The following UNC13C variants were observed in gnomAD, a reference collection of about 807,000 sequenced individuals.
UNC13C encodes unc-13 homolog C.
Under a neutral mutation model 245.4 loss-of-function variants are expected in UNC13C, and 174 were observed. That is an observed-to-expected ratio of 0.71 (90% CI 0.63 to 0.80). The LOEUF (loss-of-function observed/expected upper bound fraction) is 0.80. Among genes scored for constraint, UNC13C ranks in the 30% least tolerant of loss-of-function variants. The pLI is 0.00. For synonymous variants in UNC13C, 992 were observed against 895.1 expected (o/e 1.11, Z -1.93); for missense variants, 2,829 against 2,602.9 (o/e 1.09, Z -1.89).
chr15:54,538,154 A>C (rs1264394952), intron 26 of UNC13C, among the ~76,000 whole-genome samples: 2 of 146,198 alleles, frequency 1.4e-5, no homozygotes, highest in African/African-American at 5.1e-5. Context: ...AAAAAAAAAA[A>C]AAAAAAAAAA....
intron 17 of UNC13C, among the ~76,000 whole-genome samples, chr15:54,358,062 ATTTATTAAGGACTATC>A (rs2039137854): frequency 6.6e-6 from 1 of 152,002 alleles, no homozygotes; most frequent in African/African-American, 2.4e-5. Flanking sequence ...TCCTAGCACC[ATTTATTAAGGACTATC>A]TTTTCCCCGG....
chr15:53,998,124 G>A (rs1365896276), intron 1 of UNC13C, among the ~76,000 whole-genome samples: 2 of 152,076 alleles, frequency 1.3e-5, no homozygotes, highest in African/African-American at 2.4e-5. Context: ...TTTTTATAGA[G>A]TGTTTTAAGT....
chr15:54,618,829 C>G (rs767807851), intron 30 of UNC13C, among the ~76,000 whole-genome samples: 11 of 151,938 alleles, frequency 7.2e-5, no homozygotes, highest in African/African-American at 2.7e-4. Flanking sequence ...ATGAAAATAA[C>G]GGGAGCCAAA....
Position 54,287,249 on chromosome 15 carries a change from C to T in UNC13C, c.3819-6646C>T, listed in dbSNP as rs527351325. On this transcript the variant is annotated intron_variant, in intron 10 of 32. Transcript: ENST00000260323. ...TCAAATTGTTTACTACAAGAGCCTA[C>T]CATTTCCCAGCTAAAATGCAAACCT... is the stretch of plus-strand genomic sequence containing the variant. Among the ~76,000 whole-genome samples the T allele has an allele frequency of 2.9e-4, 44 of 152,256 alleles. 1 individual carries two copies. The South Asian group carries it at 9.1e-3, about 32-fold the overall frequency.
At chr15:53,885,409 C>G in the UNC13C span, among the ~76,000 whole-genome samples, 1 of 152,204 alleles carries the variant, frequency 6.6e-6, no homozygotes, top group Non-Finnish European at 1.5e-5. Flanking sequence ...GGGTTCTGTT[C>G]CATACCTGGG....
intron 29 of UNC13C, among the ~76,000 whole-genome samples, chr15:54,560,024 G>C (rs576511665): frequency 3.3e-5 from 5 of 151,932 alleles, no homozygotes; most frequent in African/African-American, 4.8e-5. Context: ...AGTTGTGGTA[G>C]AAAATAATTT....
intron 30 of UNC13C, among the ~76,000 whole-genome samples, chr15:54,577,490 A>G (rs544436991): frequency 6.0e-4 from 92 of 152,300 alleles, no homozygotes; most frequent in African/African-American, 2.2e-3. Context: ...AGTCTTGAGC[A>G]GGCTTACTCC....
chr15:54,214,058 G>A (rs1450078419), intron 4 of UNC13C, among the ~76,000 whole-genome samples: 3 of 151,740 alleles, frequency 2.0e-5, no homozygotes, highest in African/African-American at 4.8e-5. Context: ...TGGATCAATT[G>A]GAATCCCTCC....
At chr15:54,448,579 A>C (rs1328827074) in intron 19 of UNC13C, among the ~76,000 whole-genome samples, 1 of 152,136 alleles carries the variant, frequency 6.6e-6, no homozygotes, top group Non-Finnish European at 1.5e-5. Flanking sequence ...CTGTTTTATC[A>C]GAGACTAGGA....
intron 29 of UNC13C, among the ~76,000 whole-genome samples, chr15:54,564,128 C>A (rs1018302129): frequency 2.6e-5 from 4 of 151,988 alleles, no homozygotes; most frequent in African/African-American, 9.7e-5. Flanking sequence ...GGGATATTTT[C>A]ATTCTTACCA....
intron 29 of UNC13C, among the ~76,000 whole-genome samples, chr15:54,556,954 T>C (rs376537869): frequency 7.2e-5 from 11 of 152,018 alleles, no homozygotes; most frequent in African/African-American, 2.2e-4. Flanking sequence ...CTAATTTTTA[T>C]TGATGGGGCC....
At chr15:54,509,544 G>A (rs1894643536) in intron 23 of UNC13C, among the ~76,000 whole-genome samples, 1 of 151,900 alleles carries the variant, frequency 6.6e-6, no homozygotes, top group Admixed American at 6.6e-5. Flanking sequence ...AAAATTAAAG[G>A]TATTATTCTA....
chr15:54,184,373 C>A (rs1187410331), intron 4 of UNC13C, among the ~76,000 whole-genome samples: 1 of 151,930 alleles, frequency 6.6e-6, no homozygotes. Context: ...CCCATTAACT[C>A]GTCATTTAGC....
At chr15:53,957,183 T>C in the UNC13C span, among the ~76,000 whole-genome samples, 1 of 152,104 alleles carries the variant, frequency 6.6e-6, no homozygotes, top group African/African-American at 2.4e-5. Context: ...ACTCTGTCAC[T>C]GAGGCTGGAG....
rs147666066 is a variant in UNC13C, at chr15:54,444,261, T to C, written c.4933+29194T>C. 2.6e-5 allele frequency among the ~76,000 whole-genome samples: 4 copies of C among 151,538 alleles called. No individual in the cohort carries two copies. In the East Asian group the frequency reaches 7.7e-4, roughly 29 times the overall value. On this transcript the variant is annotated intron_variant, in intron 19 of 32. Coordinates refer to ENST00000260323, the MANE Select transcript of UNC13C (RefSeq NM_001080534.3). ...TGTTGACGTGGAATATCATTTTTCATTCCCTTACTTTTGATAAATGTATAT... is the reference window on the plus strand; with the variant it reads ...TGTTGACGTGGAATATCATTTTTCACTCCCTTACTTTTGATAAATGTATAT...
chr15:54,034,654 C>T (rs925106984), intron 2 of UNC13C, among the ~76,000 whole-genome samples: 3 of 152,148 alleles, frequency 2.0e-5, no homozygotes, highest in Non-Finnish European at 2.9e-5. Flanking sequence ...CATTGCTGTA[C>T]ATTTTATCAT....
chr15:53,945,789 A>G, the UNC13C span, among the ~76,000 whole-genome samples: 1 of 152,002 alleles, frequency 6.6e-6, no homozygotes, highest in East Asian at 1.9e-4. Flanking sequence ...GAATAATATT[A>G]TTGGTAGTTT....
Position 54,623,939 on chromosome 15 carries a change from A to G in UNC13C, c.6344A>G (p.Asn2115Ser), listed in dbSNP as rs767199993. The G allele has an allele frequency of 6.2e-7, 1 of 1,613,184 alleles. No homozygotes were observed. Among genetic ancestry groups the G allele is most frequent in the Non-Finnish European group, 8.5e-7 (1 of 1,179,318 alleles). ...TKSNTWSPKY[N>S]ETFQFILGKE... ...AGCAACACATGGTCACCAAAGTACA[A>G]TGAAACATTTCAGTTGTAAGTCATA... The change falls in exon 32 of 33, where the codon AAT (asparagine) becomes AGT (serine). Residue 2115 changes from asparagine to serine, a missense_variant. By Grantham distance (46) the Asn-to-Ser change is conservative (BLOSUM62 1). Transcript: ENST00000260323.
intron 4 of UNC13C, among the ~76,000 whole-genome samples, chr15:54,217,514 C>T (rs938658546): frequency 2.6e-5 from 4 of 151,896 alleles, no homozygotes; most frequent in African/African-American, 9.7e-5. Context: ...GAGGCTCTTT[C>T]ATTAATCTGT....
Sources: gnomAD v4.1 joint callset for allele counts (sites outside exome capture counted in the v4.1 genomes callset) on GRCh38, gnomAD v4.1.1 for gene constraint, MANE v1.5 for transcripts, NCBI Gene and HGNC (gene_info 2026-07-23, HGNC 2026-07-21) for gene names.